BID: variants seen among roughly 807,000 people sequenced by gnomAD.
BID encodes BH3-interacting domain death agonist.
BID carries 19 observed loss-of-function variants against 17.4 expected under a neutral mutation model. That is an observed-to-expected ratio of 1.09 (90% confidence interval 0.76 to 1.60). BID has a LOEUF of 1.60. Among genes scored for constraint, BID ranks in the 40% most tolerant of loss-of-function variants. BID has a pLI of 0.00. For missense variants in BID, 226 were observed against 256.0 expected (o/e 0.88, Z 0.80); for synonymous variants, 108 against 102.8 (o/e 1.05, Z -0.31).
chr22:17,753,440 T>C (rs796446740), intron 1 of BID, among the ~76,000 whole-genome samples: 14 of 152,322 alleles, frequency 9.2e-5, no homozygotes, highest in African/African-American at 3.4e-4. Context: ...CCGCCTCCCC[T>C]AGGCAACGGT....
chr22:17,757,402 C>CAAAAA lies in BID; in HGVS notation c.-58-7233_-58-7229dup, dbSNP rs34545330. Among the ~76,000 whole-genome samples the CAAAAA allele has an allele frequency of 1.6e-3, 97 of 61,016 alleles. 1 individual carries two copies. The highest frequency in any genetic ancestry group is 6.0e-3 in the African/African-American group (81 of 13,530). The allele number at this position is 61,016 out of a possible 152,430, so 40.0% of individuals were successfully genotyped here. A position where few individuals can be genotyped will look rare whatever the true frequency, so the allele number is the denominator to read the frequency against. On this transcript the variant is annotated intron_variant, in intron 1 of 5. Transcript: ENST00000622694. The stretch of plus-strand genomic sequence containing the variant: ...TGGGCAACAGAGCCTGACCCTGTCC[C>CAAAAA]AAAAAAAAAAAAAAAAAAAAAAAAT...
rs532290955 is a variant in BID, at chr22:17,773,898, G to A, written c.-59+483C>T. On this transcript the variant is annotated intron_variant, in intron 1 of 5. Transcript: ENST00000622694. The surrounding 1 kb of genome is among the most constrained non-coding windows in gnomAD (Gnocchi z 4.4). Reference sequence around the variant, plus strand: ...GCTCTGACCGCGCTTTGTCAGCCCTGAGCTCCGCTCGGGAGGAGCCGGCAG... The same window carrying A: ...GCTCTGACCGCGCTTTGTCAGCCCTAAGCTCCGCTCGGGAGGAGCCGGCAG... 10 of 603,300 alleles carry A rather than the reference G, an allele frequency of 1.7e-5. No homozygotes were observed. The African/African-American group carries it at 1.7e-4, about 10-fold the overall frequency. The allele number at this position is 603,300 out of a possible 1,614,324, so 37.4% of individuals were successfully genotyped here. A position where few individuals can be genotyped will look rare whatever the true frequency, so the allele number is the denominator to read the frequency against.
At chr22:17,753,338 C>T (rs2061555916) in intron 1 of BID, among the ~76,000 whole-genome samples, 1 of 152,186 alleles carries the variant, frequency 6.6e-6, no homozygotes, top group African/African-American at 2.4e-5. Context: ...GTGGCAGTCT[C>T]GGGAGAGGAC....
At chr22:17,772,297 C>T (rs1248451963) in intron 1 of BID, among the ~76,000 whole-genome samples, 1 of 152,260 alleles carries the variant, frequency 6.6e-6, no homozygotes, top group Non-Finnish European at 1.5e-5. Flanking sequence ...AGCCATGGAG[C>T]TGCTAATTAG....
chr22:17,744,922 C>T (rs432517), intron 2 of BID, among the ~76,000 whole-genome samples: 18,854 of 152,196 alleles, frequency 0.12, 1,631 homozygotes, highest in Non-Finnish European at 0.18. Context: ...CCTGGGCTGC[C>T]AGAGAAGGGT....
In BID at chr22:17,773,570, C is replaced by T; in HGVS notation, c.-59+811G>A. 1 of 1,607,444 alleles carries T rather than the reference C, an allele frequency of 6.2e-7. No individual in the cohort carries two copies. ...CCCCAACCCTGCCTGCAGGTGAAGG[C>T]CGGTCCAGCCGCAGAAGGCCCAGCC... On this transcript the variant is annotated intron_variant, in intron 1 of 5. Coordinates refer to ENST00000622694, the MANE Select transcript of BID (RefSeq NM_001196.4). The surrounding 1 kb of genome is among the most constrained non-coding windows in gnomAD (Gnocchi z 4.4).
chr22:17,765,950 A>T (rs2061675041), intron 1 of BID, among the ~76,000 whole-genome samples: 1 of 152,222 alleles, frequency 6.6e-6, no homozygotes, highest in Non-Finnish European at 1.5e-5. Context: ...ATTATTGGAG[A>T]CAGGGTCTGG....
At chr22:17,755,921 A>G (rs2061579363) in intron 1 of BID, among the ~76,000 whole-genome samples, 1 of 152,118 alleles carries the variant, frequency 6.6e-6, no homozygotes, top group African/African-American at 2.4e-5. Flanking sequence ...AGGCAGGAGT[A>G]CAATGGCACG....
chr22:17,755,670 G>A (rs962449418), intron 1 of BID, among the ~76,000 whole-genome samples: 3 of 151,880 alleles, frequency 2.0e-5, no homozygotes, highest in East Asian at 2.0e-4. Flanking sequence ...GTGTGGTGGC[G>A]CGTACCTGTA....
chr22:17,759,243 A>AAC (rs1427390662), intron 1 of BID, among the ~76,000 whole-genome samples: 9 of 115,734 alleles, frequency 7.8e-5, no homozygotes, highest in African/African-American at 3.5e-4. Context: ...ACAAAAAACA[A>AAC]AACAAAAAAA....
intron 1 of BID, among the ~76,000 whole-genome samples, chr22:17,757,301 G>C (rs1476490978): frequency 6.7e-6 from 1 of 149,200 alleles, no homozygotes; most frequent in African/African-American, 2.5e-5. Flanking sequence ...TGTAGTCCCA[G>C]CTACTGGGGA....
intron 3 of BID, among the ~76,000 whole-genome samples, chr22:17,743,418 C>G (rs2061474170): frequency 6.6e-6 from 1 of 152,214 alleles, no homozygotes; most frequent in Non-Finnish European, 1.5e-5. Context: ...TGATACAAGG[C>G]CAAGTGTGAG....
Position 17,764,692 on chromosome 22 carries a change from T to C in BID, c.-59+9689A>G, listed in dbSNP as rs2061665874. Among the ~76,000 whole-genome samples the C allele has an allele frequency of 2.0e-5, 3 of 151,472 alleles. No individual in the cohort carries two copies. In the South Asian group the frequency reaches 6.3e-4, roughly 32 times the overall value. On this transcript the variant is annotated intron_variant, in intron 1 of 5. Coordinates refer to ENST00000622694, the MANE Select transcript of BID (RefSeq NM_001196.4). ...CCCTATGAGGAAGGAGAGGCCCGGGTACAGATACCACAAAGGGGTACAGTG... is the reference window on the plus strand; with the variant it reads ...CCCTATGAGGAAGGAGAGGCCCGGGCACAGATACCACAAAGGGGTACAGTG...
In BID at chr22:17,737,661, T is replaced by G. The variant is rs183052276; in HGVS notation, c.576+356A>C. 4.6e-5 allele frequency among the ~76,000 whole-genome samples: 7 copies of G among 152,292 alleles called. No individual in the cohort carries two copies. In the East Asian group the frequency reaches 1.4e-3, roughly 29 times the overall value. On this transcript the variant is annotated intron_variant, in intron 5 of 5. Transcript: ENST00000622694. ...GCACTGGCCACATTACACTTATTTT[T>G]TATGGCAAGGTGAGAGGTCTGAAAA... is the stretch of plus-strand genomic sequence containing the variant.
intron 1 of BID, among the ~76,000 whole-genome samples, chr22:17,754,222 C>T (rs909229400): frequency 1.3e-5 from 2 of 151,622 alleles, no homozygotes; most frequent in African/African-American, 4.9e-5. Flanking sequence ...CTCCAGGACT[C>T]TGCCGGATGG....
intron 1 of BID, among the ~76,000 whole-genome samples, chr22:17,761,551 C>A (rs976075649): frequency 6.6e-6 from 1 of 151,708 alleles, no homozygotes; most frequent in Non-Finnish European, 1.5e-5. Context: ...CCTGCCTCAG[C>A]CTCCCGAGTA....
rs1430027918 is a variant in BID at position 17,734,501 on chromosome 22, G to A, written c.*1079C>T. ...TGGGACATAGCTTACCACTGGAACA[G>A]CAGACCAGTGTTGCACTGTTTCTAA... On this transcript the variant is annotated 3_prime_UTR_variant, in exon 6 of 6. Transcript: ENST00000622694. 3 of 152,200 alleles carry A rather than the reference G, an allele frequency of 2.0e-5. No homozygotes were observed. The highest frequency in any genetic ancestry group is 4.4e-5 in the Non-Finnish European group (3 of 68,042). 9.4% of individuals were successfully genotyped at this position (152,200 alleles called of 1,614,324 possible). A position where few individuals can be genotyped will look rare whatever the true frequency, so the allele number is the denominator to read the frequency against.
rs904117415 is a variant in BID at position 17,769,349 on chromosome 22, G to A, written c.-59+5032C>T. Among the ~76,000 whole-genome samples, 1 of 152,248 alleles carries A rather than the reference G, an allele frequency of 6.6e-6. No homozygotes were observed. The highest frequency in any genetic ancestry group is 2.1e-4 in the South Asian group (1 of 4,838). On this transcript the variant is annotated intron_variant, in intron 1 of 5. Transcript: ENST00000622694. The surrounding 1 kb of genome is among the most constrained non-coding windows in gnomAD (Gnocchi z 4.8). Reference sequence around the variant, plus strand: ...TGCTCAGTTGGCCGGGTTTGGGGCTGGATGTCTGCAGGGGTCCTCAGGGAT... The same window carrying A: ...TGCTCAGTTGGCCGGGTTTGGGGCTAGATGTCTGCAGGGGTCCTCAGGGAT...
chr22:17,739,822 C>T (rs975352335), intron 3 of BID: 9 of 590,742 alleles, frequency 1.5e-5, no homozygotes, highest in Admixed American at 3.0e-5. Context: ...TCACACCACA[C>T]AACCCAACAG....
Sources: gnomAD v4.1 joint callset for allele counts (sites outside exome capture counted in the v4.1 genomes callset) on GRCh38, gnomAD v4.1.1 for gene constraint, Gnocchi (gnomAD v3.1) non-coding constraint, MANE v1.5 for transcripts, NCBI Gene and HGNC (gene_info 2026-07-23, HGNC 2026-07-21) for gene names.